CLEC16A: variants seen among roughly 807,000 people sequenced by gnomAD.
CLEC16A encodes the protein C-type lectin domain containing 16A.
A neutral mutation model predicts 109.5 loss-of-function variants in CLEC16A; 51 were observed. The observed-to-expected ratio is 0.47, with a 90% confidence interval of 0.37 to 0.59. The LOEUF (loss-of-function observed/expected upper bound fraction) is 0.59. Among genes scored for constraint, CLEC16A ranks in the 20% least tolerant of loss-of-function variants. The probability of loss-of-function intolerance (pLI) is 0.00; values close to 1 mark genes in which losing one functional copy is unlikely to be tolerated. For missense variants in CLEC16A, 1,339 were observed against 1,394.0 expected (o/e 0.96, Z 0.63); for synonymous variants, 673 against 564.2 (o/e 1.19, Z -2.73).
intron 22 of CLEC16A, chr16:11,157,270 A>G (rs2054568928): frequency 2.6e-6 from 3 of 1,175,274 alleles, no homozygotes. Context: ...GGGGTCGCCC[A>G]TGGTGGCAGC....
intron 22 of CLEC16A, among the ~76,000 whole-genome samples, chr16:11,162,367 G>A (rs1239719069): frequency 6.6e-6 from 1 of 152,232 alleles, no homozygotes; most frequent in Non-Finnish European, 1.5e-5. Flanking sequence ...GAGGATGTTA[G>A]GATCGGGAGC....
intron 19 of CLEC16A, among the ~76,000 whole-genome samples, chr16:11,067,983 G>T (rs1315764157): frequency 6.6e-6 from 1 of 152,182 alleles, no homozygotes; most frequent in Non-Finnish European, 1.5e-5. Flanking sequence ...TCACCTCCTG[G>T]CAAGGCAGGC....
At position 11,120,806 on chromosome 16, in the gene CLEC16A, C is replaced by T. The variant is rs201061352; in HGVS notation, c.2268+40C>T. On this transcript the variant is annotated intron_variant, in intron 20 of 23. Transcript: ENST00000409790. Reference sequence around the variant, plus strand: ...AGCTCTGGGATCTGTTCTCAGTTGGCTACAAACACACACACACACACACAC... The same window carrying T: ...AGCTCTGGGATCTGTTCTCAGTTGGTTACAAACACACACACACACACACAC... The T allele has an allele frequency of 1.8e-4, 246 of 1,399,090 alleles. 2 individuals are homozygous for T. The African/African-American group carries it at 4.1e-3, about 24-fold the overall frequency. 86.7% of individuals were successfully genotyped at this position (1,399,090 alleles called of 1,614,324 possible).
chr16:11,010,153 T>TA (rs34752850), intron 11 of CLEC16A, among the ~76,000 whole-genome samples: 24 of 142,168 alleles, frequency 1.7e-4, no homozygotes, highest in South Asian at 9.4e-4. Context: ...CCTTGTTTCT[T>TA]AAAAAAAAAG....
At chr16:10,998,363 A>C (rs536688105) in intron 10 of CLEC16A, among the ~76,000 whole-genome samples, 3 of 152,304 alleles carry the variant, frequency 2.0e-5, no homozygotes, top group Middle Eastern at 3.4e-3. Context: ...GTCAGCAAAG[A>C]GGCTCCTTCC....
intron 13 of CLEC16A, among the ~76,000 whole-genome samples, chr16:11,037,544 A>G: frequency 6.6e-6 from 1 of 152,330 alleles, no homozygotes; most frequent in Non-Finnish European, 1.5e-5. Flanking sequence ...CTCACTGTCC[A>G]CAAATTCTAA....
At chr16:10,972,662 C>A (rs919578578) in intron 6 of CLEC16A, 103 bp downstream of exon 6, 2 of 1,110,882 alleles carry the variant, frequency 1.8e-6, no homozygotes, top group African/African-American at 1.5e-5. Context: ...GCTCAGTCTG[C>A]TACTGATAAG....
intron 19 of CLEC16A, among the ~76,000 whole-genome samples, chr16:11,088,077 G>T (rs1354957622): frequency 6.6e-6 from 1 of 152,186 alleles, no homozygotes; most frequent in East Asian, 1.9e-4. Context: ...CTCAGCTGGG[G>T]GCTCTCTGTC....
rs1363740647 is a variant in CLEC16A, at chr16:10,973,044, C to T, written c.711C>T (p.Cys237=). The change falls in exon 7 of 24, where the codon TGC becomes TGT. Residue 237 remains cysteine, a synonymous_variant. Coordinates refer to ENST00000409790, the MANE Select transcript of CLEC16A (RefSeq NM_015226.3). Reference sequence around the variant, plus strand: ...GCCATGTGATCGAACTCGATGACTGCGTGCAGACTGATGAGGAGTAAGTGA... The same window carrying T: ...GCCATGTGATCGAACTCGATGACTGTGTGCAGACTGATGAGGAGTAAGTGA... The part of the protein sequence containing the change: ...IGSHVIELDD[C]VQTDEEHRNR... The T allele has an allele frequency of 2.5e-6, 4 of 1,606,420 alleles. No homozygotes were observed. Among genetic ancestry groups the T allele is most frequent in the Non-Finnish European group, 3.4e-6 (4 of 1,176,252 alleles).
At chr16:11,173,350 G>T (rs770667905) in intron 23 of CLEC16A, among the ~76,000 whole-genome samples, 11 of 152,132 alleles carry the variant, frequency 7.2e-5, no homozygotes, top group African/African-American at 2.7e-4. Context: ...CATTCAAGCT[G>T]TGTGCTCACC....
At chr16:10,992,080 C>G (rs549197670) in intron 10 of CLEC16A, among the ~76,000 whole-genome samples, 4 of 152,072 alleles carry the variant, frequency 2.6e-5, no homozygotes, top group African/African-American at 9.7e-5. Flanking sequence ...ATAACCTGGC[C>G]CCAGGACAGC....
chr16:11,178,391 G>A lies in CLEC16A; in HGVS notation c.2863G>A (p.Val955Ile), dbSNP rs752145455. ...KPHLPDQLVI[V>I]NETEADSKPS... is the part of the protein sequence containing the mutation. ...TCACCTTCCTGACCAGTTGGTAATC[G>A]TCAACGAAACGGAAGCAGACTCTAA... The change falls in exon 24 of 24, where the codon GTC (valine) becomes ATC (isoleucine). Residue 955 changes from valine to isoleucine, a missense_variant. Coordinates refer to ENST00000409790, the MANE Select transcript of CLEC16A (RefSeq NM_015226.3). This position sits in a 1 kb window ranked among gnomAD's most constrained non-coding sequence, Gnocchi z 6.5. The A allele has an allele frequency of 1.2e-5, 19 of 1,613,754 alleles. No individual in the cohort carries two copies. Among genetic ancestry groups the A allele is most frequent in the Admixed American group, 1.7e-5 (1 of 60,028 alleles).
intron 14 of CLEC16A, chr16:11,040,704 G>A (rs1321503224): frequency 6.6e-6 from 1 of 151,838 alleles, no homozygotes; most frequent in Non-Finnish European, 1.5e-5. Context: ...AGTTGAGACA[G>A]GGTTTCACTA....
rs545981694 is a variant in CLEC16A, at chr16:11,133,263, C to G, written c.2641+7117C>G. ...CTGAGGCAGGAGAATCACTTGAACC[C>G]GGGAGGTGGAGGTTGCAGTGAGCTG... On this transcript the variant is annotated intron_variant, in intron 22 of 23. Coordinates refer to ENST00000409790, the MANE Select transcript of CLEC16A (RefSeq NM_015226.3). Among the ~76,000 whole-genome samples, 6 of 151,628 alleles carry G rather than the reference C, an allele frequency of 4.0e-5. No homozygotes were observed. In the East Asian group the frequency reaches 9.7e-4, roughly 24 times the overall value.
At chr16:11,039,239 C>T (rs1052178767) in intron 13 of CLEC16A, among the ~76,000 whole-genome samples, 5 of 152,118 alleles carry the variant, frequency 3.3e-5, no homozygotes, top group African/African-American at 1.2e-4. Flanking sequence ...GCCAACCTCC[C>T]TTTTTAACAA....
chr16:10,964,119 AGGTAGAGATGGT>A (rs2146151316), intron 3 of CLEC16A, among the ~76,000 whole-genome samples: 1 of 152,320 alleles, frequency 6.6e-6, no homozygotes, highest in African/African-American at 2.4e-5. Flanking sequence ...GGGCAGAAAG[AGGTAGAGATGGT>A]GGCATTCCTC....
intron 23 of CLEC16A, among the ~76,000 whole-genome samples, chr16:11,170,790 C>T (rs1186690802): frequency 6.6e-6 from 1 of 152,230 alleles, no homozygotes; most frequent in African/African-American, 2.4e-5. Context: ...ATCTTGCAGG[C>T]AGGCGGGGTG....
At chr16:11,019,540 G>A (rs558770457) in intron 11 of CLEC16A, among the ~76,000 whole-genome samples, 9 of 152,312 alleles carry the variant, frequency 5.9e-5, no homozygotes, top group African/African-American at 2.2e-4. Context: ...AGGCCGAGGT[G>A]GGTGGATCAC....
chr16:11,119,541 C>T (rs139373589), intron 19 of CLEC16A, among the ~76,000 whole-genome samples: 26 of 152,268 alleles, frequency 1.7e-4, no homozygotes, highest in Admixed American at 1.5e-3. Flanking sequence ...CAGGTGTGGG[C>T]CACCACACTC....
Sources: gnomAD v4.1 joint callset for allele counts (sites outside exome capture counted in the v4.1 genomes callset) on GRCh38, gnomAD v4.1.1 for gene constraint, Gnocchi (gnomAD v3.1) non-coding constraint, MANE v1.5 for transcripts, NCBI Gene and HGNC (gene_info 2026-07-23, HGNC 2026-07-21) for gene names.